The following UMAD1 variants were observed in gnomAD, a reference collection of about 807,000 sequenced individuals.
UMAD1 encodes the protein UBAP1-MVB12-associated (UMA) domain containing 1, also known as UBAP1-MVB12-associated (UMA)-domain containing protein 1.
UMAD1 carries 8 observed loss-of-function variants against 6.1 expected under a neutral mutation model. The observed-to-expected ratio is 1.30, with a 90% CI of 0.76 to 2.35. The LOEUF (loss-of-function observed/expected upper bound fraction) is 2.35, where lower values mean the gene tolerates loss of function less well. Ranked by LOEUF, UMAD1 falls within the 30% of genes most tolerant of loss-of-function variation. The probability of loss-of-function intolerance (pLI) is 0.00; values close to 1 mark genes in which losing one functional copy is unlikely to be tolerated. For synonymous variants in UMAD1, 56 were observed against 31.4 expected, an observed-to-expected ratio of 1.78 and a Z score of -2.61; for missense variants, 130 against 78.4, an observed-to-expected ratio of 1.66 and a Z score of -2.49.
chr7:7,699,802 G>A (rs1780412316), intron 2 of UMAD1, among the ~76,000 whole-genome samples: 1 of 152,186 alleles, frequency 6.6e-6, no homozygotes, highest in Non-Finnish European at 1.5e-5. Flanking sequence ...GTAAATATTT[G>A]TTGGGGGAGA....
chr7:7,777,597 A>ATATATG (rs1165352023), intron 2 of UMAD1, among the ~76,000 whole-genome samples: 1 of 145,590 alleles, frequency 6.9e-6, no homozygotes, highest in African/African-American at 2.5e-5. Flanking sequence ...ATATATATAT[A>ATATATG]TATATGTAAT....
intron 2 of UMAD1, among the ~76,000 whole-genome samples, chr7:7,723,323 T>A (rs559335634): frequency 6.6e-6 from 1 of 152,156 alleles, no homozygotes; most frequent in Admixed American, 6.5e-5. Context: ...ATTTATTGAT[T>A]TGGGCCCACT....
intron 1 of UMAD1, among the ~76,000 whole-genome samples, chr7:7,670,620 A>G (rs973870886): frequency 2.6e-5 from 4 of 152,204 alleles, no homozygotes; most frequent in South Asian, 2.1e-4. Flanking sequence ...ATATAGCATC[A>G]TGCTCAAAGT....
At chr7:7,850,378 C>A (rs551103677) in intron 3 of UMAD1, among the ~76,000 whole-genome samples, 58 of 152,136 alleles carry the variant, frequency 3.8e-4, no homozygotes, top group African/African-American at 1.4e-3. Flanking sequence ...AATACATGAA[C>A]AAGCTAAGCT....
At chr7:7,739,675 A>G (rs1339468024) in intron 2 of UMAD1, among the ~76,000 whole-genome samples, 1 of 152,232 alleles carries the variant, frequency 6.6e-6, no homozygotes, top group Non-Finnish European at 1.5e-5. Flanking sequence ...GTCAAAAAGC[A>G]CTTAATATTT....
chr7:7,761,747 A>G (rs1781894274), intron 2 of UMAD1, among the ~76,000 whole-genome samples: 1 of 152,200 alleles, frequency 6.6e-6, no homozygotes. Flanking sequence ...GTTTGCATTT[A>G]CTTAGTAAGA....
chr7:7,689,409 T>G (rs1000162636), intron 2 of UMAD1: 4 of 152,304 alleles, frequency 2.6e-5, no homozygotes, highest in African/African-American at 9.6e-5. Flanking sequence ...GATGACATTG[T>G]TGAACTGACA....
At chr7:7,652,805 C>A (rs985755808) in intron 1 of UMAD1, among the ~76,000 whole-genome samples, 1 of 152,170 alleles carries the variant, frequency 6.6e-6, no homozygotes, top group Non-Finnish European at 1.5e-5. Flanking sequence ...AAGTAGTAAG[C>A]CTTCTGATGA....
At chr7:7,751,598 A>G (rs1437609385) in intron 2 of UMAD1, among the ~76,000 whole-genome samples, 1 of 152,138 alleles carries the variant, frequency 6.6e-6, no homozygotes, top group African/African-American at 2.4e-5. Flanking sequence ...ATGAGGGTGG[A>G]GGGACAGGTG....
chr7:7,764,803 T>G (rs1482979312), intron 2 of UMAD1, among the ~76,000 whole-genome samples: 1 of 152,198 alleles, frequency 6.6e-6, no homozygotes, highest in Non-Finnish European at 1.5e-5. Context: ...GCCCTTTCTC[T>G]AAGCACCCTT....
Position 7,706,555 on chromosome 7 carries a change from T to C in UMAD1, c.82+33102T>C, listed in dbSNP as rs539187115. The stretch of plus-strand genomic sequence containing the variant: ...AAATGTTAGATATCATTTTTTAAAA[T>C]TGGAAAAAATGAGGAATACAAAACT... On this transcript the variant is annotated intron_variant, in intron 2 of 3. Coordinates refer to ENST00000682710, the MANE Select transcript of UMAD1 (RefSeq NM_001302348.2). 4.6e-5 allele frequency among the ~76,000 whole-genome samples: 7 copies of C among 152,068 alleles called. 1 individual carries two copies. The South Asian group carries it at 6.2e-4, about 14-fold the overall frequency.
intron 1 of UMAD1, among the ~76,000 whole-genome samples, chr7:7,646,144 G>C (rs963434312): frequency 6.6e-6 from 1 of 152,222 alleles, no homozygotes; most frequent in African/African-American, 2.4e-5. Flanking sequence ...GCTCAGTAGA[G>C]TCAGTGTGAC....
intron 1 of UMAD1, among the ~76,000 whole-genome samples, chr7:7,653,262 T>G (rs1252224192): frequency 6.6e-6 from 1 of 152,250 alleles, no homozygotes; most frequent in Non-Finnish European, 1.5e-5. Context: ...GTTATATTTG[T>G]AACTTTCCTA....
At chr7:7,678,544 G>A (rs1478352802) in intron 2 of UMAD1, among the ~76,000 whole-genome samples, 1 of 125,282 alleles carries the variant, frequency 8.0e-6, no homozygotes, top group Admixed American at 8.4e-5. Context: ...TTAATTTATA[G>A]ATAAATATAT....
At chr7:7,772,710 G>A (rs568989253) in intron 2 of UMAD1, among the ~76,000 whole-genome samples, 1 of 152,322 alleles carries the variant, frequency 6.6e-6, no homozygotes, top group South Asian at 2.1e-4. Flanking sequence ...TGCCTGCCTC[G>A]TGAAATGGAG....
intron 2 of UMAD1, among the ~76,000 whole-genome samples, chr7:7,683,025 G>C (rs1384001344): frequency 1.3e-5 from 2 of 152,200 alleles, no homozygotes; most frequent in African/African-American, 4.8e-5. Context: ...ATCCCCGTGT[G>C]GGGTACACCA....
intron 3 of UMAD1, among the ~76,000 whole-genome samples, chr7:7,859,287 T>C (rs578208816): frequency 1.3e-5 from 2 of 152,340 alleles, no homozygotes; most frequent in South Asian, 4.1e-4. Flanking sequence ...AGGCCGTGCT[T>C]ATGAGAAGAT....
intron 2 of UMAD1, among the ~76,000 whole-genome samples, chr7:7,701,496 A>T (rs897522812): frequency 2.0e-5 from 3 of 152,178 alleles, no homozygotes; most frequent in Admixed American, 6.5e-5. Context: ...GCTCACTCTT[A>T]CATGCTTGTA....
At chr7:7,649,370 C>G (rs1346189808) in intron 1 of UMAD1, among the ~76,000 whole-genome samples, 1 of 152,010 alleles carries the variant, frequency 6.6e-6, no homozygotes, top group Non-Finnish European at 1.5e-5. Context: ...CCCCCAATAA[C>G]TTAACCCACT....
Sources: gnomAD v4.1 joint callset for allele counts (sites outside exome capture counted in the v4.1 genomes callset) on GRCh38, gnomAD v4.1.1 for gene constraint, MANE v1.5 for transcripts, NCBI Gene and HGNC (gene_info 2026-07-23, HGNC 2026-07-21) for gene names.